Variants in PEPD observed in about 807,000 individuals in gnomAD.
PEPD encodes the protein xaa-Pro dipeptidase.
Under a neutral mutation model 60.7 loss-of-function variants are expected in PEPD, and 53 were observed. That is an observed-to-expected ratio of 0.87 (90% CI 0.70 to 1.10). PEPD has a LOEUF of 1.10. Among genes scored for constraint, PEPD ranks in the 50% least tolerant of loss-of-function variants. PEPD has a pLI of 0.00. For missense variants in PEPD, 711 were observed against 711.9 expected (o/e 1.00, Z 0.01); for synonymous variants, 267 against 284.1 (o/e 0.94, Z 0.60).
rs530580626 is a variant in PEPD at position 33,411,822 on chromosome 19, C to T, written c.741-73G>A. On this transcript the variant is annotated intron_variant, in intron 10 of 14. Transcript: ENST00000244137. ...GGCTCTGAAGGAGGGGGTGGATGCTCGATCCCCTGCCCATGAGCAGCACTG... is the reference window on the plus strand; with the variant it reads ...GGCTCTGAAGGAGGGGGTGGATGCTTGATCCCCTGCCCATGAGCAGCACTG... 66 of 895,712 alleles carry T rather than the reference C, an allele frequency of 7.4e-5. No individual in the cohort carries two copies. The East Asian group carries it at 7.5e-4, about 10-fold the overall frequency. The allele number at this position is 895,712 out of a possible 1,614,324, so 55.5% of individuals were successfully genotyped here. A position where few individuals can be genotyped will look rare whatever the true frequency, so the allele number is the denominator to read the frequency against.
At chr19:33,448,734 C>T (rs1400771832) in intron 9 of PEPD, among the ~76,000 whole-genome samples, 3 of 152,004 alleles carry the variant, frequency 2.0e-5, no homozygotes, top group Admixed American at 6.5e-5. Context: ...GCACCCTGAA[C>T]GAAAGCTATG....
At chr19:33,521,612 C>T (rs1971136812) in intron 1 of PEPD, 132 bp downstream of exon 1, 6 of 1,018,618 alleles carry the variant, frequency 5.9e-6, no homozygotes, top group Non-Finnish European at 8.9e-6. Context: ...GCTGGGACTC[C>T]GGGCCAACGG....
At chr19:33,398,812 G>A (rs982643234) in intron 12 of PEPD, among the ~76,000 whole-genome samples, 50 of 152,176 alleles carry the variant, frequency 3.3e-4, no homozygotes, top group Admixed American at 8.5e-4. Context: ...AAACTGTCCC[G>A]TCCCTTCCTG....
chr19:33,398,771 G>A (rs145568341), intron 12 of PEPD, among the ~76,000 whole-genome samples: 1 of 152,364 alleles, frequency 6.6e-6, no homozygotes, highest in East Asian at 1.9e-4. Flanking sequence ...TGGCTGAAGA[G>A]TCAGAAAGAA....
chr19:33,521,272 G>A (rs758355671), intron 1 of PEPD, among the ~76,000 whole-genome samples: 3 of 152,260 alleles, frequency 2.0e-5, no homozygotes, highest in African/African-American at 7.2e-5. Flanking sequence ...CAAAAAGTGG[G>A]ATAGATGGTT....
intron 1 of PEPD, among the ~76,000 whole-genome samples, chr19:33,513,230 C>T (rs1970962436): frequency 6.6e-6 from 1 of 152,120 alleles, no homozygotes; most frequent in African/African-American, 2.4e-5. Flanking sequence ...CCAGCTTGGC[C>T]CAACCCTGGG....
chr19:33,486,621 C>T (rs536860124), intron 6 of PEPD, among the ~76,000 whole-genome samples: 1 of 152,306 alleles, frequency 6.6e-6, no homozygotes, highest in South Asian at 2.1e-4. Flanking sequence ...CGAGACCCCA[C>T]ACACTCTTAC....
chr19:33,396,324 CCT>C (rs1287335985), intron 12 of PEPD, among the ~76,000 whole-genome samples: 1 of 152,106 alleles, frequency 6.6e-6, no homozygotes, highest in Non-Finnish European at 1.5e-5. Context: ...AGAGGTGCCC[CCT>C]GACCACGGGG....
At chr19:33,411,895 C>G in intron 10 of PEPD, 146 bp from the exon 11 acceptor site, 2 of 700,622 alleles carry the variant, frequency 2.9e-6, no homozygotes, top group South Asian at 3.0e-5. Flanking sequence ...AGGTCCACAG[C>G]CAGAGGTAAG....
At chr19:33,413,491 G>A (rs1968822405) in intron 10 of PEPD, 84 bp downstream of exon 10, 1 of 782,290 alleles carries the variant, frequency 1.3e-6, no homozygotes, top group Non-Finnish European at 2.2e-6. Flanking sequence ...TGGCTGAGCT[G>A]GGGGATGGTG....
intron 13 of PEPD, among the ~76,000 whole-genome samples, chr19:33,389,523 T>C (rs1316757382): frequency 6.7e-6 from 1 of 149,542 alleles, no homozygotes; most frequent in Non-Finnish European, 1.5e-5. Context: ...CGCCCATCCC[T>C]CTCCTTCATG....
chr19:33,509,586 C>A (rs1272341673), intron 3 of PEPD, among the ~76,000 whole-genome samples: 1 of 152,220 alleles, frequency 6.6e-6, no homozygotes, highest in African/African-American at 2.4e-5. Flanking sequence ...AGCAGAGAGC[C>A]CAGTCCCTGT....
chr19:33,496,955 G>A (rs1970619011), intron 4 of PEPD, among the ~76,000 whole-genome samples: 1 of 152,276 alleles, frequency 6.6e-6, no homozygotes, highest in South Asian at 2.1e-4. Flanking sequence ...CCAGCGCTGG[G>A]AAAGCCTGCA....
Position 33,504,327 on chromosome 19 carries a change from C to T in PEPD, c.330-3326G>A, listed in dbSNP as rs532243196. Among the ~76,000 whole-genome samples the T allele has an allele frequency of 7.2e-5, 11 of 152,314 alleles. No individual in the cohort carries two copies. The East Asian group carries it at 1.2e-3, about 16-fold the overall frequency. On this transcript the variant is annotated intron_variant, in intron 3 of 14. Transcript: ENST00000244137. ...GCTGGCTGGAGAGGCCCCTGAGGGG[C>T]TCTGGACTCCCTGAGGCCAGGCTGG...
At chr19:33,485,475 A>G (rs142935273) in intron 6 of PEPD, among the ~76,000 whole-genome samples, 1,600 of 147,850 alleles carry the variant, frequency 0.011, 31 homozygotes, top group African/African-American at 0.038. Context: ...CCTGGGCAAC[A>G]GAGCAAGACT....
chr19:33,515,333 C>G (rs567822664), intron 1 of PEPD, among the ~76,000 whole-genome samples: 52 of 152,272 alleles, frequency 3.4e-4, no homozygotes, highest in African/African-American at 1.2e-3. Context: ...CCCGCTCCCC[C>G]ACGTGCCCTT....
At chr19:33,498,780 G>C (rs2145332088) in intron 4 of PEPD, among the ~76,000 whole-genome samples, 1 of 151,464 alleles carries the variant, frequency 6.6e-6, no homozygotes, top group South Asian at 2.1e-4. Context: ...CTCGAGACAG[G>C]GTCCTGGAGG....
At chr19:33,448,766 T>C (rs1259043325) in intron 9 of PEPD, among the ~76,000 whole-genome samples, 2 of 152,160 alleles carry the variant, frequency 1.3e-5, no homozygotes, top group Non-Finnish European at 2.9e-5. Context: ...ACGCTGCTGC[T>C]CTGTGGAAAT....
At chr19:33,396,611 T>A (rs1600080765) in intron 12 of PEPD, among the ~76,000 whole-genome samples, 1 of 147,184 alleles carries the variant, frequency 6.8e-6, no homozygotes, top group Non-Finnish European at 1.5e-5. Context: ...CCATTGCTGT[T>A]CCAGGTTGAT....
Sources: allele counts gnomAD v4.1 joint callset (sites outside exome capture counted in the v4.1 genomes callset), GRCh38; gene constraint gnomAD v4.1.1; transcripts MANE v1.5; gene names NCBI Gene and HGNC (gene_info 2026-07-23, HGNC 2026-07-21).